GALNT17: variants seen among roughly 807,000 people sequenced by gnomAD.
The protein encoded by GALNT17 is UDP-GalNAc:polypeptide N-acetylgalactosaminyltransferase-like 3.
In GALNT17, 29 loss-of-function variants were observed where a neutral mutation model predicts 63.7. That is an observed-to-expected ratio of 0.46 (90% CI 0.34 to 0.62). GALNT17 has a LOEUF of 0.62. Among genes scored for constraint, GALNT17 ranks in the 20% least tolerant of loss-of-function variants. GALNT17 has a pLI of 0.01. For synonymous variants in GALNT17, 305 were observed against 318.3 expected (o/e 0.96, Z 0.45); for missense variants, 603 against 799.6 (o/e 0.75, Z 2.97).
At chr7:71,148,775 T>G in intron 1 of GALNT17, among the ~76,000 whole-genome samples, 1 of 150,498 alleles carries the variant, frequency 6.6e-6, no homozygotes, top group Non-Finnish European at 1.5e-5. Context: ...AGCGTACTTT[T>G]TCCCCCTCAG....
intron 6 of GALNT17, among the ~76,000 whole-genome samples, chr7:71,607,468 C>T (rs1039042778): frequency 6.6e-6 from 1 of 152,088 alleles, no homozygotes; most frequent in Non-Finnish European, 1.5e-5. Flanking sequence ...ACAATTTTTA[C>T]AAATTCTCAA....
chr7:71,427,066 A>G (rs531536609), intron 5 of GALNT17, among the ~76,000 whole-genome samples: 6 of 151,624 alleles, frequency 4.0e-5, no homozygotes, highest in Admixed American at 1.3e-4. Context: ...GACTTTATAT[A>G]TAGCTTTTCA....
intron 7 of GALNT17, among the ~76,000 whole-genome samples, chr7:71,666,362 A>G (rs1790985273): frequency 2.0e-5 from 3 of 148,646 alleles, no homozygotes; most frequent in Non-Finnish European, 4.5e-5. Flanking sequence ...AATATATAAT[A>G]TAAAGATTTA....
chr7:71,555,492 G>A (rs568824037), intron 5 of GALNT17, among the ~76,000 whole-genome samples: 1 of 147,906 alleles, frequency 6.8e-6, no homozygotes, highest in South Asian at 2.2e-4. Flanking sequence ...CCATTCATGA[G>A]GGGTCTGCCC....
intron 6 of GALNT17, among the ~76,000 whole-genome samples, chr7:71,600,248 GAA>G (rs751929755): frequency 1.5e-5 from 2 of 137,710 alleles, no homozygotes; most frequent in Non-Finnish European, 1.6e-5. Context: ...ATTAGGGAAG[GAA>G]AAAAAAAAAA....
intron 2 of GALNT17, among the ~76,000 whole-genome samples, chr7:71,359,256 C>G (rs1792352026): frequency 6.6e-6 from 1 of 152,294 alleles, no homozygotes; most frequent in South Asian, 2.1e-4. Flanking sequence ...AGCATTTGCT[C>G]AGGTTCTGTC....
chr7:71,421,794 T>C (rs890503546), intron 5 of GALNT17, among the ~76,000 whole-genome samples: 1 of 151,884 alleles, frequency 6.6e-6, no homozygotes, highest in Non-Finnish European at 1.5e-5. Context: ...TACTAAAATT[T>C]AAAAAATTAG....
chr7:71,667,904 A>G (rs1157228562), intron 7 of GALNT17, among the ~76,000 whole-genome samples: 1 of 151,898 alleles, frequency 6.6e-6, no homozygotes, highest in African/African-American at 2.4e-5. Context: ...GGTTCAAGCC[A>G]TCCTCCCACC....
chr7:71,174,713 G>A (rs10273467), intron 1 of GALNT17, among the ~76,000 whole-genome samples: 38,129 of 152,044 alleles, frequency 0.25, 7,762 homozygotes, highest in African/African-American at 0.56. Context: ...ATTACAAAGT[G>A]CATTGATCAG....
chr7:71,571,708 G>C (rs1028851012), intron 6 of GALNT17, among the ~76,000 whole-genome samples: 12 of 152,152 alleles, frequency 7.9e-5, no homozygotes, highest in Admixed American at 7.9e-4. Flanking sequence ...TTTCTTAAAT[G>C]ATCTCCTTAA....
intron 5 of GALNT17, among the ~76,000 whole-genome samples, chr7:71,494,029 C>T (rs115019645): frequency 1.7e-3 from 263 of 151,968 alleles, no homozygotes; most frequent in African/African-American, 6.1e-3. Flanking sequence ...AAAGAAATAC[C>T]CGAGACTGGG....
At chr7:71,156,889 T>C (rs937238759) in intron 1 of GALNT17, among the ~76,000 whole-genome samples, 1 of 150,920 alleles carries the variant, frequency 6.6e-6, no homozygotes, top group Admixed American at 6.6e-5. Context: ...CCAGACTCCT[T>C]TTCATTTTCT....
At chr7:71,496,115 A>G (rs2116686750) in intron 5 of GALNT17, among the ~76,000 whole-genome samples, 1 of 152,302 alleles carries the variant, frequency 6.6e-6, no homozygotes, top group African/African-American at 2.4e-5. Flanking sequence ...GTCGAGACTT[A>G]GAGAGACAAG....
chr7:71,609,836 G>T (rs552639851), intron 6 of GALNT17, among the ~76,000 whole-genome samples: 1 of 152,038 alleles, frequency 6.6e-6, no homozygotes, highest in African/African-American at 2.4e-5. Flanking sequence ...ATCTAATTGT[G>T]CTATTAGTAG....
chr7:71,317,475 T>C (rs1229805923), intron 1 of GALNT17, among the ~76,000 whole-genome samples: 2 of 152,170 alleles, frequency 1.3e-5, no homozygotes, highest in African/African-American at 4.8e-5. Context: ...CCCAGCACTT[T>C]GGGAGGCCAA....
At chr7:71,346,752 G>A (rs1302736129) in intron 2 of GALNT17, among the ~76,000 whole-genome samples, 2 of 149,094 alleles carry the variant, frequency 1.3e-5, no homozygotes, top group Admixed American at 1.3e-4. Flanking sequence ...CTGTTGGGGG[G>A]GCGGGGGTGG....
At chr7:71,204,768 CAG>C (rs1488171195) in intron 1 of GALNT17, among the ~76,000 whole-genome samples, 1 of 151,892 alleles carries the variant, frequency 6.6e-6, no homozygotes, top group Non-Finnish European at 1.5e-5. Context: ...TTTTTTGAAA[CAG>C]AGTCTCACCC....
chr7:71,135,785 A>G (rs1170416653), intron 1 of GALNT17, among the ~76,000 whole-genome samples: 2 of 152,160 alleles, frequency 1.3e-5, no homozygotes, highest in East Asian at 1.9e-4. Flanking sequence ...TGGGGACTTA[A>G]GCTGAGAGCT....
chr7:71,676,045 G>A (rs552980146), intron 8 of GALNT17, among the ~76,000 whole-genome samples: 16 of 152,276 alleles, frequency 1.1e-4, no homozygotes, highest in African/African-American at 3.8e-4. Flanking sequence ...TTGTTTCCAT[G>A]GAGAATATAA....
Sources: gnomAD v4.1 joint callset for allele counts (sites outside exome capture counted in the v4.1 genomes callset) on GRCh38, gnomAD v4.1.1 for gene constraint, MANE v1.5 for transcripts, NCBI Gene and HGNC (gene_info 2026-07-23, HGNC 2026-07-21) for gene names.